Variants in RAD51B observed in about 807,000 individuals in gnomAD.
The protein encoded by RAD51B is DNA repair protein RAD51 homolog 2.
Under a neutral mutation model 42.2 loss-of-function variants are expected in RAD51B, and 38 were observed. That is an observed-to-expected ratio of 0.90 (90% CI 0.70 to 1.18). The LOEUF (loss-of-function observed/expected upper bound fraction) is 1.18, where lower values mean the gene tolerates loss of function less well. RAD51B is among the 50% of genes most tolerant of loss of function. The pLI is 0.00. For synonymous variants in RAD51B, 154 were observed against 145.2 expected (o/e 1.06, Z -0.43); for missense variants, 373 against 400.7 (o/e 0.93, Z 0.59).
At chr14:68,314,219 A>G (rs1240240744) in intron 8 of RAD51B, among the ~76,000 whole-genome samples, 1 of 152,126 alleles carries the variant, frequency 6.6e-6, no homozygotes, top group Non-Finnish European at 1.5e-5. Context: ...AGCATTCGAT[A>G]AAAGGACACT....
chr14:67,820,594 T>C (rs562199678), intron 1 of RAD51B, among the ~76,000 whole-genome samples: 2 of 152,184 alleles, frequency 1.3e-5, no homozygotes, highest in African/African-American at 4.8e-5. Context: ...CAAGCCATAA[T>C]AGTATTTTGA....
intron 10 of RAD51B, among the ~76,000 whole-genome samples, chr14:68,603,953 G>A (rs1229449418): frequency 3.3e-5 from 5 of 152,172 alleles, no homozygotes; most frequent in African/African-American, 7.2e-5. Flanking sequence ...GGAGGGAAGC[G>A]TTCACTCTAG....
At chr14:68,659,224 G>A (rs555974559) in intron 11 of RAD51B, among the ~76,000 whole-genome samples, 80 of 152,324 alleles carry the variant, frequency 5.3e-4, no homozygotes, top group Middle Eastern at 6.8e-3. Flanking sequence ...GCCTGGGGAC[G>A]TGAGGCCCTG....
At chr14:67,881,187 T>G (rs2042895464) in intron 5 of RAD51B, among the ~76,000 whole-genome samples, 1 of 152,246 alleles carries the variant, frequency 6.6e-6, no homozygotes. Context: ...GTATAAGTGA[T>G]GCATCATTGA....
At chr14:67,883,338 A>C (rs1335904706) in intron 5 of RAD51B, among the ~76,000 whole-genome samples, 10 of 151,902 alleles carry the variant, frequency 6.6e-5, no homozygotes, top group East Asian at 1.9e-4. Context: ...CAAAAAAAAA[A>C]AAAACAAAAA....
chr14:68,217,465 A>G (rs1405206378), intron 7 of RAD51B, among the ~76,000 whole-genome samples: 1 of 152,154 alleles, frequency 6.6e-6, no homozygotes, highest in Non-Finnish European at 1.5e-5. Context: ...ATTAGTCGGT[A>G]CTCTATGATG....
chr14:68,532,938 T>G (rs1887403056), intron 10 of RAD51B, among the ~76,000 whole-genome samples: 2 of 152,146 alleles, frequency 1.3e-5, no homozygotes, highest in South Asian at 4.1e-4. Flanking sequence ...TTCCTTAACT[T>G]GATAAAGAAC....
At chr14:68,233,995 G>A (rs1380723565) in intron 7 of RAD51B, among the ~76,000 whole-genome samples, 2 of 152,124 alleles carry the variant, frequency 1.3e-5, no homozygotes, top group Non-Finnish European at 2.9e-5. Context: ...TTCAGGAAGA[G>A]AATTCTGATG....
At chr14:68,343,173 T>C (rs1820103173) in intron 8 of RAD51B, among the ~76,000 whole-genome samples, 1 of 152,164 alleles carries the variant, frequency 6.6e-6, no homozygotes, top group South Asian at 2.1e-4. Context: ...TCTTAACAAT[T>C]TTCAAATGTA....
At chr14:67,958,131 G>C (rs1191151085) in intron 7 of RAD51B, among the ~76,000 whole-genome samples, 4 of 152,112 alleles carry the variant, frequency 2.6e-5, no homozygotes. Flanking sequence ...TTATATGTCT[G>C]TGTCACATCA....
intron 7 of RAD51B, among the ~76,000 whole-genome samples, chr14:67,894,498 A>G (rs1426306155): frequency 2.6e-5 from 4 of 152,250 alleles, no homozygotes; most frequent in Admixed American, 6.5e-5. Context: ...GATAATAAAG[A>G]TGAATAAAAC....
intron 7 of RAD51B, among the ~76,000 whole-genome samples, chr14:68,048,267 C>T (rs1052927705): frequency 9.2e-5 from 14 of 152,086 alleles, no homozygotes; most frequent in Admixed American, 3.3e-4. Context: ...TCATATCCTT[C>T]GCCCACTTTT....
chr14:68,546,085 G>A (rs1397209983), intron 10 of RAD51B, among the ~76,000 whole-genome samples: 1 of 152,180 alleles, frequency 6.6e-6, no homozygotes, highest in Non-Finnish European at 1.5e-5. Flanking sequence ...TCCCAGTTCT[G>A]GGCACAAAGT....
chr14:68,170,020 A>G (rs2078837034), intron 7 of RAD51B, among the ~76,000 whole-genome samples: 1 of 152,210 alleles, frequency 6.6e-6, no homozygotes, highest in Admixed American at 6.5e-5. Context: ...TTAGTTCTTC[A>G]TTAGGAAGAT....
chr14:68,348,185 A>C (rs72727451), intron 8 of RAD51B, among the ~76,000 whole-genome samples: 86 of 152,362 alleles, frequency 5.6e-4, no homozygotes, highest in Non-Finnish European at 1.1e-3. Context: ...CTTCTGTGAC[A>C]AGCTTTGATG....
intron 8 of RAD51B, among the ~76,000 whole-genome samples, chr14:68,389,942 G>A (rs143037015): frequency 8.5e-5 from 13 of 152,192 alleles, no homozygotes; most frequent in African/African-American, 2.9e-4. Flanking sequence ...GGTATTCTGC[G>A]AATATGTAAC....
At chr14:67,823,693 T>A in intron 2 of RAD51B, 66 bp downstream of exon 2, 1 of 1,180,204 alleles carries the variant, frequency 8.5e-7, no homozygotes, top group Non-Finnish European at 1.2e-6. Flanking sequence ...CCTTAATACC[T>A]CTTAAACTTG....
intron 10 of RAD51B, chr14:68,541,818 A>G (rs1263404440): frequency 2.1e-5 from 21 of 985,118 alleles, no homozygotes; most frequent in East Asian, 1.1e-4. Flanking sequence ...GCAAGAGTCT[A>G]TCTTTTACAA....
At chr14:68,662,080 G>A (rs530787531) in intron 11 of RAD51B, among the ~76,000 whole-genome samples, 1 of 152,360 alleles carries the variant, frequency 6.6e-6, no homozygotes, top group African/African-American at 2.4e-5. Flanking sequence ...TCCTTTAAAA[G>A]CAGTGCAGTG....
Sources: gnomAD v4.1 joint callset for allele counts (sites outside exome capture counted in the v4.1 genomes callset) on GRCh38, gnomAD v4.1.1 for gene constraint, MANE v1.5 for transcripts, NCBI Gene and HGNC (gene_info 2026-07-23, HGNC 2026-07-21) for gene names.